RPTOR: variants seen among roughly 807,000 people sequenced by gnomAD.
RPTOR encodes the protein regulatory associated protein of MTOR complex 1, also known as regulatory-associated protein of mTOR.
A neutral mutation model predicts 169.9 loss-of-function variants in RPTOR; 21 were observed. That is an observed-to-expected ratio of 0.12 (90% CI 0.09 to 0.18). RPTOR has a LOEUF of 0.18. Ranked by LOEUF, RPTOR falls within the 10% of genes least tolerant of loss-of-function variation. The pLI is 1.00. For synonymous variants in RPTOR, 732 were observed against 753.2 expected (o/e 0.97, Z 0.46); for missense variants, 1,133 against 1,855.9 (o/e 0.61, Z 7.16).
chr17:80,674,757 C>T (rs2065847792), intron 3 of RPTOR, among the ~76,000 whole-genome samples: 1 of 138,734 alleles, frequency 7.2e-6, no homozygotes, highest in Non-Finnish European at 1.5e-5. Context: ...CACTGCACTC[C>T]AGCCTGGGCA....
At chr17:80,676,109 C>T (rs1204721823) in intron 3 of RPTOR, among the ~76,000 whole-genome samples, 2 of 151,412 alleles carry the variant, frequency 1.3e-5, no homozygotes, top group Non-Finnish European at 2.9e-5. Context: ...GTTTTGTTTA[C>T]TAAGAATTGA....
intron 1 of RPTOR, among the ~76,000 whole-genome samples, chr17:80,622,548 G>A (rs1388667434): frequency 2.0e-5 from 3 of 152,226 alleles, no homozygotes; most frequent in Admixed American, 2.0e-4. Context: ...TTACATGTCT[G>A]TGGGAAGACA....
At chr17:80,552,630 A>G (rs1043273281) in intron 1 of RPTOR, among the ~76,000 whole-genome samples, 1 of 152,248 alleles carries the variant, frequency 6.6e-6, no homozygotes, top group African/African-American at 2.4e-5. Flanking sequence ...ATAGTTTACA[A>G]AAGGCTTCCA....
intron 3 of RPTOR, among the ~76,000 whole-genome samples, chr17:80,664,467 T>C (rs1004101150): frequency 2.0e-5 from 3 of 152,174 alleles, no homozygotes; most frequent in African/African-American, 7.2e-5. Flanking sequence ...CCTCGCTCCC[T>C]GCGCCTGCCC....
Position 80,947,882 on chromosome 17 carries a change from C to G in RPTOR, c.3265+531C>G, listed in dbSNP as rs1435725192. Among the ~76,000 whole-genome samples the G allele has an allele frequency of 6.6e-6, 1 of 152,210 alleles. No individual in the cohort carries two copies. Among genetic ancestry groups the G allele is most frequent in the Non-Finnish European group, 1.5e-5 (1 of 68,040 alleles). On this transcript the variant is annotated intron_variant, in intron 27 of 33. Transcript: ENST00000306801. The surrounding 1 kb of genome is among the most constrained non-coding windows in gnomAD (Gnocchi z 4.4). ...TGGTTCATTGCCGTAGTGGGTCTCA[C>G]TCAGGTTTTGGTTTTCTTGGGTTTT...
intron 6 of RPTOR, among the ~76,000 whole-genome samples, chr17:80,773,414 C>T (rs546773372): frequency 2.9e-4 from 44 of 152,344 alleles, no homozygotes; most frequent in African/African-American, 9.9e-4. Flanking sequence ...CTAGGGGTGC[C>T]TGGGAAGACA....
intron 13 of RPTOR, among the ~76,000 whole-genome samples, chr17:80,876,537 T>G (rs183706698): frequency 2.6e-4 from 11 of 42,642 alleles, no homozygotes; most frequent in South Asian, 9.8e-4. Flanking sequence ...TCGCCTGCCG[T>G]GTCTTCCCAC....
rs926635376 is a variant in RPTOR at position 80,964,595 on chromosome 17, C to T, written c.*265C>T. The T allele has an allele frequency of 3.5e-5, 19 of 544,348 alleles. No homozygotes were observed. The highest frequency in any genetic ancestry group is 2.7e-4 in the East Asian group (9 of 33,190). The allele number at this position is 544,348 out of a possible 1,614,324, so 33.7% of individuals were successfully genotyped here. On this transcript the variant is annotated 3_prime_UTR_variant, in exon 34 of 34. Transcript: ENST00000306801. ...TCCAGGTGCACCCCCGCGGCCACGGCGCCTCTGTCCCTCTCCTGTTCTGTG... is the reference window on the plus strand; with the variant it reads ...TCCAGGTGCACCCCCGCGGCCACGGTGCCTCTGTCCCTCTCCTGTTCTGTG...
chr17:80,698,133 C>T (rs959668963), intron 3 of RPTOR, among the ~76,000 whole-genome samples: 3 of 151,936 alleles, frequency 2.0e-5, no homozygotes, highest in Admixed American at 6.6e-5. Flanking sequence ...TATGGGGAAA[C>T]GGTGTTGTGA....
chr17:80,773,708 C>T (rs117651136), intron 6 of RPTOR: 1 of 842,776 alleles, frequency 1.2e-6, no homozygotes. Context: ...TCCTCTGGCA[C>T]CAGGCCCTCC....
chr17:80,787,002 C>A (rs957604347), intron 6 of RPTOR, among the ~76,000 whole-genome samples: 23 of 152,150 alleles, frequency 1.5e-4, no homozygotes, highest in African/African-American at 5.6e-4. Context: ...ACCACCCAAC[C>A]AAAACCCAGC....
At chr17:80,739,422 G>A (rs2066464093) in intron 5 of RPTOR, among the ~76,000 whole-genome samples, 1 of 131,688 alleles carries the variant, frequency 7.6e-6, no homozygotes, top group East Asian at 2.1e-4. Context: ...CAGAAAAGAA[G>A]TTAGGCCATC....
chr17:80,887,168 G>A (rs1159258431), intron 17 of RPTOR, among the ~76,000 whole-genome samples: 5 of 151,972 alleles, frequency 3.3e-5, no homozygotes, highest in African/African-American at 7.3e-5. Context: ...GTGACCAAGC[G>A]GGCTGCACTG....
chr17:80,747,042 A>G (rs1042052622), intron 5 of RPTOR, among the ~76,000 whole-genome samples: 2 of 152,054 alleles, frequency 1.3e-5, no homozygotes, highest in African/African-American at 4.8e-5. Context: ...ACACGGTGAA[A>G]CCCTGTCTCT....
At chr17:80,635,566 C>T (rs1385354057) in intron 2 of RPTOR, among the ~76,000 whole-genome samples, 1 of 152,082 alleles carries the variant, frequency 6.6e-6, no homozygotes, top group Non-Finnish European at 1.5e-5. Context: ...AGCCACCATC[C>T]AGTGGAAAGT....
rs2065258244 is a variant in RPTOR at position 80,609,916 on chromosome 17, G to A, written c.163-15775G>A. 6.6e-6 allele frequency among the ~76,000 whole-genome samples: 1 copy of A among 152,102 alleles called. No individual in the cohort carries two copies. The highest frequency in any genetic ancestry group is 2.1e-4 in the South Asian group (1 of 4,818). Reference sequence around the variant, plus strand: ...AGCCAATTGAAAAGTGTAGGCCAGGGTGTAGATAGCACATTCCCCTGCAGT... The same window carrying A: ...AGCCAATTGAAAAGTGTAGGCCAGGATGTAGATAGCACATTCCCCTGCAGT... On this transcript the variant is annotated intron_variant, in intron 1 of 33. Coordinates refer to ENST00000306801, the MANE Select transcript of RPTOR (RefSeq NM_020761.3). The surrounding 1 kb of genome is among the most constrained non-coding windows in gnomAD (Gnocchi z 4.8).
chr17:80,598,335 C>T (rs577016266), intron 1 of RPTOR, among the ~76,000 whole-genome samples: 5 of 152,210 alleles, frequency 3.3e-5, no homozygotes, highest in Admixed American at 2.0e-4. Flanking sequence ...GCTCTGACAA[C>T]TTATTTAATA....
At chr17:80,837,874 G>A (rs754487323) in intron 9 of RPTOR, 48 bp from the exon 10 acceptor site, 8 of 1,561,776 alleles carry the variant, frequency 5.1e-6, no homozygotes, top group African/African-American at 1.3e-5. Flanking sequence ...GGCCTCGTGT[G>A]GAAGCCCGTC....
At position 80,896,780 on chromosome 17, in the gene RPTOR, C is replaced by T. The variant is rs914852828; in HGVS notation, c.2401+2915C>T. Among the ~76,000 whole-genome samples, 4 of 152,240 alleles carry T rather than the reference C, an allele frequency of 2.6e-5. No individual in the cohort carries two copies. The South Asian group carries it at 6.2e-4, about 24-fold the overall frequency. On this transcript the variant is annotated intron_variant, in intron 20 of 33. Coordinates refer to ENST00000306801, the MANE Select transcript of RPTOR (RefSeq NM_020761.3). ...GAATTGGTGGATTTCCCTGGGATGA[C>T]TGACTTCCTTGCATCATGAGTCTTC...
Sources: gnomAD v4.1 joint callset for allele counts (sites outside exome capture counted in the v4.1 genomes callset) on GRCh38, gnomAD v4.1.1 for gene constraint, Gnocchi (gnomAD v3.1) non-coding constraint, MANE v1.5 for transcripts, NCBI Gene and HGNC (gene_info 2026-07-23, HGNC 2026-07-21) for gene names.